Variants in RBM33 observed in about 807,000 individuals in gnomAD.
RBM33 encodes the protein RNA-binding protein 33.
RBM33 carries 28 observed loss-of-function variants against 132.6 expected under a neutral mutation model. The ratio of observed to expected loss-of-function variants is 0.21; its 90% confidence interval spans 0.16 to 0.29. The LOEUF (loss-of-function observed/expected upper bound fraction) is 0.29. Among genes scored for constraint, RBM33 ranks in the 10% least tolerant of loss-of-function variants. The pLI is 1.00. For synonymous variants in RBM33, 634 were observed against 593.0 expected (o/e 1.07, Z -1.01); for missense variants, 1,291 against 1,518.5 (o/e 0.85, Z 2.49).
rs1802807115 is a variant in RBM33 at position 155,780,963 on chromosome 7, CTTCT to C, written c.*5925_*5928del. The C allele has an allele frequency of 6.5e-6, 1 of 152,916 alleles. No homozygotes were observed. The highest frequency in any genetic ancestry group is 2.4e-5 in the African/African-American group (1 of 41,596). 9.5% of individuals were successfully genotyped at this position (152,916 alleles called of 1,614,324 possible). On this transcript the variant is annotated 3_prime_UTR_variant, in exon 18 of 18. Coordinates refer to ENST00000401878, the MANE Select transcript of RBM33 (RefSeq NM_053043.3). Reference sequence around the variant, plus strand: ...TGCGGTTCGTGCCCTTAACCACCCGCTTCTTTGTTTCCCGCCCCTCTGCTTTCGC... The same window carrying C: ...TGCGGTTCGTGCCCTTAACCACCCGCTTGTTTCCCGCCCCTCTGCTTTCGC...
At chr7:155,753,234 G>T (rs1016515945) in intron 14 of RBM33, among the ~76,000 whole-genome samples, 2 of 152,306 alleles carry the variant, frequency 1.3e-5, no homozygotes, top group African/African-American at 4.8e-5. Flanking sequence ...ATTCTTCTGG[G>T]CATTATTTCC....
rs1423653781 is a variant in RBM33, at chr7:155,739,866, C to T, written c.1889C>T (p.Pro630Leu). The T allele has an allele frequency of 1.2e-5, 18 of 1,542,884 alleles. No homozygotes were observed. The highest frequency in any genetic ancestry group is 4.8e-5 in the South Asian group (4 of 83,548). The change falls in exon 12 of 18, where the codon CCG becomes CTG. Residue 630 changes from proline to leucine, a missense_variant. Physicochemically the swap from Pro to Leu is moderately conservative, Grantham distance 98. Transcript: ENST00000401878. Reference sequence around the variant, plus strand: ...CCACCCCAGCACCCACCACAGCACCCGCCGCAGCACCAGCACCACCACCAC... The same window carrying T: ...CCACCCCAGCACCCACCACAGCACCTGCCGCAGCACCAGCACCACCACCAC... The part of the protein sequence containing the change: ...QPPPQHPPQH[P>L]PQHQHHHHHH...
intron 5 of RBM33, among the ~76,000 whole-genome samples, chr7:155,699,585 G>T (rs1034159964): frequency 1.1e-4 from 17 of 152,164 alleles, no homozygotes; most frequent in South Asian, 1.0e-3. Flanking sequence ...CGGTATGCTG[G>T]ACGTCAGCAT....
intron 5 of RBM33, among the ~76,000 whole-genome samples, chr7:155,695,014 C>A (rs935030639): frequency 5.3e-5 from 8 of 152,132 alleles, no homozygotes; most frequent in African/African-American, 1.7e-4. Flanking sequence ...GCACTCCCAC[C>A]GGTACTGTGG....
chr7:155,664,946 T>G (rs1408523374), intron 1 of RBM33, among the ~76,000 whole-genome samples: 1 of 152,134 alleles, frequency 6.6e-6, no homozygotes, highest in Non-Finnish European at 1.5e-5. Flanking sequence ...TGTTAGTGAT[T>G]TTTCATGCCC....
intron 5 of RBM33, among the ~76,000 whole-genome samples, chr7:155,692,773 G>A (rs1799683301): frequency 6.6e-6 from 1 of 152,176 alleles, no homozygotes; most frequent in African/African-American, 2.4e-5. Flanking sequence ...AGTATTAAAA[G>A]CTTTAAAGCT....
chr7:155,768,094 G>A (rs563155454), intron 16 of RBM33, among the ~76,000 whole-genome samples: 5 of 152,294 alleles, frequency 3.3e-5, no homozygotes, highest in African/African-American at 1.2e-4. Flanking sequence ...ACTTCCCTGT[G>A]GGCAGAAGGG....
intron 14 of RBM33, among the ~76,000 whole-genome samples, chr7:155,759,463 G>C (rs1356267745): frequency 2.8e-5 from 4 of 143,506 alleles, no homozygotes; most frequent in African/African-American, 1.1e-4. Context: ...TGTCTCCCAG[G>C]CTGGAGTGCA....
At chr7:155,675,836 A>G (rs1799170354) in intron 3 of RBM33, among the ~76,000 whole-genome samples, 1 of 152,144 alleles carries the variant, frequency 6.6e-6, no homozygotes, top group African/African-American at 2.4e-5. Context: ...TGATCCACTT[A>G]TGTTCCTAGC....
In RBM33 at chr7:155,728,322, G is replaced by A. The variant is rs531953008; in HGVS notation, c.1261-9208G>A. Among the ~76,000 whole-genome samples the A allele has an allele frequency of 2.6e-5, 4 of 152,152 alleles. No individual in the cohort carries two copies. In the East Asian group the frequency reaches 5.8e-4, roughly 22 times the overall value. On this transcript the variant is annotated intron_variant, in intron 9 of 17. Transcript: ENST00000401878. ...GGTCAGTGGGTACTTCAGGTTCTTT[G>A]GGTCCTGTACACTCGATGACATAAT... is the stretch of plus-strand genomic sequence containing the variant.
chr7:155,650,323 A>G (rs1362227645), intron 1 of RBM33, among the ~76,000 whole-genome samples: 1 of 152,186 alleles, frequency 6.6e-6, no homozygotes, highest in African/African-American at 2.4e-5. Context: ...TGCCATCCCC[A>G]GTGCTGCCTC....
At chr7:155,739,541 C>T in intron 11 of RBM33, 174 bp from the exon 12 acceptor site, 3 of 665,736 alleles carry the variant, frequency 4.5e-6, no homozygotes, top group Non-Finnish European at 7.5e-6. Context: ...GTAATAGCTT[C>T]TGGCTTATTA....
At chr7:155,764,143 T>C (rs1802137639) in intron 15 of RBM33, 125 bp downstream of exon 15, 1 of 766,894 alleles carries the variant, frequency 1.3e-6, no homozygotes, top group Non-Finnish European at 2.0e-6. Flanking sequence ...TGAACCATCA[T>C]TTCCTTTGTT....
intron 3 of RBM33, among the ~76,000 whole-genome samples, chr7:155,673,940 G>GTTTTTTTTTTTTTTTTTTTTTT (rs71186053): frequency 3.1e-4 from 17 of 54,212 alleles, no homozygotes; most frequent in Middle Eastern, 9.8e-3. Flanking sequence ...TTTAGGCTTA[G>GTTTTTTTTTTTTTTTTTTTTTT]TTTTTTTTTT....
At chr7:155,727,969 C>T (rs1006141010) in intron 9 of RBM33, among the ~76,000 whole-genome samples, 1 of 152,030 alleles carries the variant, frequency 6.6e-6, no homozygotes, top group Non-Finnish European at 1.5e-5. Context: ...AGGGTTTCAT[C>T]GTGTTGCCTA....
rs1166077775 is a variant in RBM33, at chr7:155,661,094, TGTG to T, written c.44-4077_44-4075del. Among the ~76,000 whole-genome samples, 585 of 138,286 alleles carry T rather than the reference TGTG, an allele frequency of 4.2e-3. 5 individuals carry two copies. The highest frequency in any genetic ancestry group is 0.016 in the African/African-American group (563 of 35,650). 90.7% of individuals were successfully genotyped at this position (138,286 alleles called of 152,430 possible). On this transcript the variant is annotated intron_variant, in intron 1 of 17. Transcript: ENST00000401878. ...TTTAAAAATAATTTCTGTGTGTGTGTGTGGTGTGTGTGTGTGTGTGTGTGTGTG... is the reference window on the plus strand; with the variant it reads ...TTTAAAAATAATTTCTGTGTGTGTGTGTGTGTGTGTGTGTGTGTGTGTGTG...
intron 2 of RBM33, 113 bp downstream of exon 2, chr7:155,665,366 C>T (rs1798774156): frequency 2.3e-6 from 2 of 881,166 alleles, no homozygotes; most frequent in South Asian, 1.4e-5. Context: ...GGCGCTCTCT[C>T]TTGAGTGGGG....
chr7:155,724,708 C>T (rs920771814), intron 9 of RBM33, among the ~76,000 whole-genome samples: 5 of 152,138 alleles, frequency 3.3e-5, no homozygotes, highest in African/African-American at 9.7e-5. Context: ...CTCTCCCTAC[C>T]GGCCCCTGGC....
intron 5 of RBM33, 88 bp downstream of exon 5, chr7:155,680,996 C>A: frequency 5.6e-6 from 6 of 1,074,582 alleles, no homozygotes; most frequent in Non-Finnish European, 8.0e-6. Flanking sequence ...TTTACCTCCC[C>A]TGGGAGGGAG....
Sources: gnomAD v4.1 joint callset for allele counts (sites outside exome capture counted in the v4.1 genomes callset) on GRCh38, gnomAD v4.1.1 for gene constraint, MANE v1.5 for transcripts, NCBI Gene and HGNC (gene_info 2026-07-23, HGNC 2026-07-21) for gene names.